Variants in PDE11A observed in about 807,000 individuals in gnomAD.
PDE11A encodes phosphodiesterase 11A.
Under a neutral mutation model 100.5 loss-of-function variants are expected in PDE11A, and 100 were observed. The observed-to-expected ratio is 1.00, with a 90% CI of 0.85 to 1.18. The LOEUF (loss-of-function observed/expected upper bound fraction) is 1.18. Among genes scored for constraint, PDE11A ranks in the 50% most tolerant of loss-of-function variants. PDE11A has a pLI of 0.00. For synonymous variants in PDE11A, 381 were observed against 420.8 expected (o/e 0.91, Z 1.16); for missense variants, 1,141 against 1,152.6 (o/e 0.99, Z 0.15).
At chr2:177,781,442 G>C (rs1340988134) in intron 9 of PDE11A, among the ~76,000 whole-genome samples, 1 of 152,054 alleles carries the variant, frequency 6.6e-6, no homozygotes, top group Non-Finnish European at 1.5e-5. Context: ...GGTGCCAATA[G>C]AGTTTGCGGT....
intron 19 of PDE11A, among the ~76,000 whole-genome samples, chr2:177,634,600 G>A (rs2080009479): frequency 6.6e-6 from 1 of 152,078 alleles, no homozygotes; most frequent in African/African-American, 2.4e-5. Context: ...GTGTTAGCCA[G>A]GGTGGTCTCC....
intron 2 of PDE11A, among the ~76,000 whole-genome samples, chr2:177,906,423 C>G (rs1227329025): frequency 6.6e-6 from 1 of 152,146 alleles, no homozygotes. Context: ...AGATGAAGGG[C>G]AATTCACATT....
At chr2:177,739,178 C>A (rs1043613574) in intron 10 of PDE11A, among the ~76,000 whole-genome samples, 1 of 152,118 alleles carries the variant, frequency 6.6e-6, no homozygotes, top group Non-Finnish European at 1.5e-5. Flanking sequence ...CTGTTTTTAT[C>A]GTTTTGTTCA....
chr2:177,851,383 C>G (rs1384442231), intron 5 of PDE11A, among the ~76,000 whole-genome samples: 1 of 151,576 alleles, frequency 6.6e-6, no homozygotes, highest in African/African-American at 2.4e-5. Flanking sequence ...CCAGGCCTGT[C>G]GTGGGGTGGG....
At chr2:177,920,093 TA>T (rs1428551770) in intron 2 of PDE11A, among the ~76,000 whole-genome samples, 1 of 151,948 alleles carries the variant, frequency 6.6e-6, no homozygotes, top group Admixed American at 6.6e-5. Flanking sequence ...AAAGATAGAA[TA>T]AAAATATATA....
intron 19 of PDE11A, among the ~76,000 whole-genome samples, chr2:177,649,809 T>C (rs188877759): frequency 6.6e-6 from 1 of 152,344 alleles, no homozygotes; most frequent in Non-Finnish European, 1.5e-5. Flanking sequence ...AATTTGTGCC[T>C]TTTGTACTTT....
chr2:177,658,640 C>T (rs4144275), intron 19 of PDE11A, among the ~76,000 whole-genome samples: 106,044 of 151,618 alleles, frequency 0.7, 37,808 homozygotes, highest in Admixed American at 0.79. Flanking sequence ...CTAGACCCAA[C>T]TATCTCTTCC....
In PDE11A at chr2:178,018,450, G is replaced by A. The variant is rs145451105; in HGVS notation, c.913-3990C>T. On this transcript the variant is annotated intron_variant, in intron 1 of 19. Transcript: ENST00000286063. Reference sequence around the variant, plus strand: ...GGGGCATCTGGAAAGCTGTTGCCATGCTGTGGAAGCTCTGACCTTTTAGAC... The same window carrying A: ...GGGGCATCTGGAAAGCTGTTGCCATACTGTGGAAGCTCTGACCTTTTAGAC... 3.9e-5 allele frequency: 20 copies of A among 514,146 alleles called. No individual in the cohort carries two copies. The East Asian group carries it at 9.9e-4, about 25-fold the overall frequency. 31.8% of individuals were successfully genotyped at this position (514,146 alleles called of 1,614,324 possible). A position where few individuals can be genotyped will look rare whatever the true frequency, so the allele number is the denominator to read the frequency against.
In PDE11A at chr2:177,715,917, C is replaced by T. The variant is rs377463004; in HGVS notation, c.2044-4039G>A. On this transcript the variant is annotated intron_variant, in intron 12 of 19. Coordinates refer to ENST00000286063, the MANE Select transcript of PDE11A (RefSeq NM_016953.4). ...GTGCACCAGTGTATGTGGGTGGTGC[C>T]TGGAGATTGCTGTGTCTTATCACGG... Among the ~76,000 whole-genome samples, 7 of 152,242 alleles carry T rather than the reference C, an allele frequency of 4.6e-5. No homozygotes were observed. The South Asian group carries it at 6.2e-4, about 14-fold the overall frequency.
intron 15 of PDE11A, among the ~76,000 whole-genome samples, chr2:177,692,218 A>G (rs927519497): frequency 1.3e-5 from 2 of 152,230 alleles, no homozygotes; most frequent in Non-Finnish European, 2.9e-5. Flanking sequence ...TATTACTAAT[A>G]GTGGAAGGTG....
chr2:178,079,762 T>G (rs1158750409), intron 2 of PDE11A, among the ~76,000 whole-genome samples: 1 of 152,202 alleles, frequency 6.6e-6, no homozygotes, highest in Non-Finnish European at 1.5e-5. Flanking sequence ...ACCAACAGTG[T>G]AAAAGCATGC....
At chr2:177,882,484 TA>T (rs1159727106) in intron 4 of PDE11A, among the ~76,000 whole-genome samples, 2 of 152,240 alleles carry the variant, frequency 1.3e-5, no homozygotes, top group Non-Finnish European at 2.9e-5. Flanking sequence ...TTATTAATTT[TA>T]AAAGTTTACT....
At chr2:178,078,120 A>C (rs532034375) in intron 2 of PDE11A, among the ~76,000 whole-genome samples, 1 of 151,002 alleles carries the variant, frequency 6.6e-6, no homozygotes, top group East Asian at 2.0e-4. Context: ...TCCTGCCACA[A>C]CTCTCCAAGC....
rs78328794 is a variant in PDE11A at position 178,071,545 on chromosome 2, T to C, written c.893A>G (p.Asn298Ser). 1,377 of 1,613,004 alleles carry C rather than the reference T, an allele frequency of 8.5e-4. 3 individuals carry two copies. Among genetic ancestry groups the C allele is most frequent in the Middle Eastern group, 1.5e-3 (9 of 6,062 alleles). The change falls in exon 1 of 20, where the codon AAC (asparagine) becomes AGC (serine). Residue 298 changes from asparagine (N) to serine (S), a missense_variant. Coordinates refer to ENST00000286063, the MANE Select transcript of PDE11A (RefSeq NM_016953.4). ...GYVGEHGETV[N>S]IPDAYQDRRF... ...TCCTACCTGGTAGGCATCAGGAATG[T>C]TGACCGTTTCTCCATGCTCCCCGAC...
At chr2:177,659,759 C>CT (rs1157351520) in intron 19 of PDE11A, among the ~76,000 whole-genome samples, 3 of 151,748 alleles carry the variant, frequency 2.0e-5, no homozygotes, top group Admixed American at 6.6e-5. Flanking sequence ...TTGATTGTGT[C>CT]TTTTTTTCTT....
intron 2 of PDE11A, chr2:177,926,837 G>T (rs1274450210): frequency 6.6e-6 from 1 of 152,034 alleles, no homozygotes; most frequent in Non-Finnish European, 1.5e-5. Context: ...AGGACCCGAA[G>T]GCCTGGATCA....
intron 1 of PDE11A, chr2:178,018,390 C>CACACTTGACTTTAACT: frequency 4.2e-5 from 3 of 71,276 alleles, no homozygotes; most frequent in South Asian, 7.2e-5. Flanking sequence ...TGACTTTAAC[C>CACACTTGACTTTAACT]TTTGCCGGGC....
intron 2 of PDE11A, among the ~76,000 whole-genome samples, chr2:177,935,927 A>T (rs1439549254): frequency 6.6e-6 from 1 of 152,166 alleles, no homozygotes; most frequent in African/African-American, 2.4e-5. Context: ...TCAGTTCTCA[A>T]CCTGCTCCAT....
chr2:177,794,013 C>CA (rs752047822), intron 9 of PDE11A, among the ~76,000 whole-genome samples: 5 of 151,788 alleles, frequency 3.3e-5, no homozygotes, highest in Non-Finnish European at 5.9e-5. Flanking sequence ...ATACATCAGT[C>CA]AAAAAAAGAG....
Sources: allele counts gnomAD v4.1 joint callset (sites outside exome capture counted in the v4.1 genomes callset), GRCh38; gene constraint gnomAD v4.1.1; transcripts MANE v1.5; gene names NCBI Gene and HGNC (gene_info 2026-07-23, HGNC 2026-07-21).